DNAI2: variants seen among roughly 807,000 people sequenced by gnomAD.
The protein encoded by DNAI2 is dynein, axonemal, intermediate polypeptide 2.
Under a neutral mutation model 74.7 loss-of-function variants are expected in DNAI2, and 63 were observed. That is an observed-to-expected ratio of 0.84 (90% CI 0.69 to 1.04). The LOEUF (loss-of-function observed/expected upper bound fraction) is 1.04. DNAI2 is among the 50% of genes least tolerant of loss of function. The pLI is 0.00. For synonymous variants in DNAI2, 289 were observed against 314.9 expected, an observed-to-expected ratio of 0.92 and a Z score of 0.87; for missense variants, 688 against 803.2, an observed-to-expected ratio of 0.86 and a Z score of 1.73.
Position 74,291,153 on chromosome 17 carries a change from T to G in DNAI2, c.724+20T>G, listed in dbSNP as rs781603676. 1.9e-5 allele frequency: 29 copies of G among 1,499,166 alleles called. No individual in the cohort carries two copies. The highest frequency in any genetic ancestry group is 2.6e-5 in the Non-Finnish European group (28 of 1,083,302). 92.9% of individuals were successfully genotyped at this position (1,499,166 alleles called of 1,614,324 possible). A position where few individuals can be genotyped will look rare whatever the true frequency, so the allele number is the denominator to read the frequency against. On this transcript the variant is annotated intron_variant, in intron 6 of 13. Transcript: ENST00000311014. ...AGATAGGTAAGGAGGGACCTAGGCT[T>G]TTTTATTTTTATTTTTATTTTTTTT...
chr17:74,281,685 C>A, intron 1 of DNAI2, 122 bp from the exon 2 acceptor site: 1 of 921,166 alleles, frequency 1.1e-6, no homozygotes, highest in African/African-American at 1.6e-5. Context: ...TAGGATCTCC[C>A]CACCACCCCT....
chr17:74,280,907 C>T (rs1284583966), intron 1 of DNAI2, among the ~76,000 whole-genome samples: 1 of 151,690 alleles, frequency 6.6e-6, no homozygotes, highest in Non-Finnish European at 1.5e-5. Flanking sequence ...GGTAAAATGG[C>T]GAGACCCCAT....
At chr17:74,305,196 C>T in intron 8 of DNAI2, 23 bp from the exon 9 acceptor site, 1 of 1,612,580 alleles carries the variant, frequency 6.2e-7, no homozygotes, top group Non-Finnish European at 8.5e-7. Context: ...GAGTCTTCCC[C>T]TCCTGTGTCA....
chr17:74,307,345 A>C (rs1191778764), intron 9 of DNAI2: 2 of 455,294 alleles, frequency 4.4e-6, no homozygotes, highest in Non-Finnish European at 8.8e-6. Flanking sequence ...CCTCCTGCAT[A>C]AGGTTAAACA....
chr17:74,292,112 T>A (rs549123898), intron 6 of DNAI2, among the ~76,000 whole-genome samples: 1 of 152,268 alleles, frequency 6.6e-6, no homozygotes, highest in South Asian at 2.1e-4. Context: ...TGATCCTCCC[T>A]CCTTGGCCTT....
intron 6 of DNAI2, among the ~76,000 whole-genome samples, chr17:74,297,714 G>A (rs1328617338): frequency 6.6e-6 from 1 of 150,598 alleles, no homozygotes; most frequent in Non-Finnish European, 1.5e-5. Flanking sequence ...AATCTCCAGT[G>A]AGATCAGAAG....
In DNAI2 at chr17:74,314,618, AGG is replaced by A; in HGVS notation, c.*87_*88del. Reference sequence around the variant, plus strand: ...TCAACCAGACTTGCATGGCCATGGCAGGGCCTCGGGAAGACCTTCAGGAGTGG... The same window carrying A: ...TCAACCAGACTTGCATGGCCATGGCAGCCTCGGGAAGACCTTCAGGAGTGG... On this transcript the variant is annotated 3_prime_UTR_variant, in exon 14 of 14. Transcript: ENST00000311014. The A allele has an allele frequency of 1.7e-5, 4 of 240,966 alleles. No individual in the cohort carries two copies. The highest frequency in any genetic ancestry group is 1.7e-5 in the Non-Finnish European group (2 of 118,702). 14.9% of individuals were successfully genotyped at this position (240,966 alleles called of 1,614,324 possible).
At position 74,281,811 on chromosome 17, in the gene DNAI2, C is replaced by T. The variant is rs370090383; in HGVS notation, c.-7C>T. 4.0e-5 allele frequency: 64 copies of T among 1,613,564 alleles called. No homozygotes were observed. Among genetic ancestry groups the T allele is most frequent in the Admixed American group, 1.8e-4 (11 of 60,002 alleles). ...CACCCTCCCTCTGCCCCCCAGCAGCCGGCACCATGGAGATTGTGTACGTGT... is the reference window on the plus strand; with the variant it reads ...CACCCTCCCTCTGCCCCCCAGCAGCTGGCACCATGGAGATTGTGTACGTGT... On this transcript the variant is annotated 5_prime_UTR_variant, in exon 2 of 14. Coordinates refer to ENST00000311014, the MANE Select transcript of DNAI2 (RefSeq NM_023036.6).
At chr17:74,277,586 T>C (rs532132547) in intron 1 of DNAI2, among the ~76,000 whole-genome samples, 1 of 152,072 alleles carries the variant, frequency 6.6e-6, no homozygotes, top group African/African-American at 2.4e-5. Context: ...AGGGCCCAAG[T>C]TCCCCCTGGC....
At chr17:74,311,114 T>C (rs2053495858) in intron 11 of DNAI2, among the ~76,000 whole-genome samples, 1 of 151,860 alleles carries the variant, frequency 6.6e-6, no homozygotes, top group African/African-American at 2.4e-5. Flanking sequence ...GCTCAAGCAA[T>C]CCTTCCACCT....
chr17:74,313,937 GC>G, intron 12 of DNAI2, 183 bp from the exon 13 acceptor site: 1 of 841,658 alleles, frequency 1.2e-6, no homozygotes, highest in Non-Finnish European at 1.8e-6. Flanking sequence ...CCCCAGCTCT[GC>G]CCACTTTCCG....
chr17:74,277,917 C>T (rs117096441), intron 1 of DNAI2, among the ~76,000 whole-genome samples: 1 of 152,164 alleles, frequency 6.6e-6, no homozygotes, highest in African/African-American at 2.4e-5. Flanking sequence ...CATGGAATTG[C>T]CTGGAGAATT....
chr17:74,275,393 C>T (rs2051006065), intron 1 of DNAI2, among the ~76,000 whole-genome samples: 1 of 152,126 alleles, frequency 6.6e-6, no homozygotes, highest in Non-Finnish European at 1.5e-5. Context: ...GTGAGTCCCT[C>T]AGGACCCCGG....
chr17:74,281,729 G>A, intron 1 of DNAI2, 78 bp from the exon 2 acceptor site: 1 of 1,436,068 alleles, frequency 7.0e-7, no homozygotes, highest in Non-Finnish European at 9.7e-7. Context: ...AGAACCTGGA[G>A]CTGTCCTGGC....
chr17:74,286,626 T>A (rs1375378423), intron 3 of DNAI2, among the ~76,000 whole-genome samples: 1 of 152,052 alleles, frequency 6.6e-6, no homozygotes, highest in Non-Finnish European at 1.5e-5. Context: ...GGTTTTACTA[T>A]GTTGGCCGGG....
intron 8 of DNAI2, among the ~76,000 whole-genome samples, chr17:74,303,320 T>C (rs957456937): frequency 2.6e-5 from 4 of 152,156 alleles, no homozygotes; most frequent in Admixed American, 2.6e-4. Context: ...CACTCAGATC[T>C]GGGTGGCCTT....
intron 4 of DNAI2, among the ~76,000 whole-genome samples, chr17:74,288,625 A>G (rs1032084684): frequency 1.3e-5 from 2 of 152,166 alleles, no homozygotes; most frequent in Non-Finnish European, 2.9e-5. Flanking sequence ...ACCCCATCCC[A>G]GAGCACCTTT....
intron 8 of DNAI2, among the ~76,000 whole-genome samples, chr17:74,301,901 AG>A (rs1567865002): frequency 1.6e-4 from 7 of 43,306 alleles, no homozygotes; most frequent in Middle Eastern, 7.8e-3. Context: ...GAAGGAAGGA[AG>A]GAAGGAAAGA....
chr17:74,306,063 C>T (rs1413663007), intron 9 of DNAI2, among the ~76,000 whole-genome samples: 1 of 152,234 alleles, frequency 6.6e-6, no homozygotes, highest in Non-Finnish European at 1.5e-5. Context: ...AACTGGGCTA[C>T]AGAAAGGCCA....
Sources: gnomAD v4.1 joint callset for allele counts (sites outside exome capture counted in the v4.1 genomes callset) on GRCh38, gnomAD v4.1.1 for gene constraint, MANE v1.5 for transcripts, NCBI Gene and HGNC (gene_info 2026-07-23, HGNC 2026-07-21) for gene names.